RIPOR2: variants seen among roughly 807,000 people sequenced by gnomAD.
The protein encoded by RIPOR2 is rho family-interacting cell polarization regulator 2.
In RIPOR2, 39 loss-of-function variants were observed where a neutral mutation model predicts 114.5. The observed-to-expected ratio is 0.34, with a 90% CI of 0.26 to 0.44. RIPOR2 has a LOEUF of 0.44. Among genes scored for constraint, RIPOR2 ranks in the 20% least tolerant of loss-of-function variants. The pLI is 1.00. For missense variants in RIPOR2, 1,007 were observed against 1,255.1 expected (o/e 0.80, Z 2.99); for synonymous variants, 445 against 484.4 (o/e 0.92, Z 1.07).
intron 8 of RIPOR2, among the ~76,000 whole-genome samples, chr6:24,859,391 G>A (rs896688372): frequency 1.3e-5 from 2 of 152,098 alleles, no homozygotes; most frequent in Admixed American, 6.5e-5. Context: ...CACTGATTCA[G>A]GGCAGTTATT....
At chr6:24,953,338 C>A (rs199949255) in intron 1 of RIPOR2, among the ~76,000 whole-genome samples, 23 of 82,482 alleles carry the variant, frequency 2.8e-4, no homozygotes, top group African/African-American at 5.1e-4. Flanking sequence ...TGCCCCCCCC[C>A]AAAAAAAATT....
chr6:24,839,653 C>A (rs1761460300), intron 13 of RIPOR2: 4 of 1,537,552 alleles, frequency 2.6e-6, no homozygotes, highest in East Asian at 2.5e-5. Context: ...AAACAAAAAA[C>A]AAAACCATGT....
At chr6:25,039,076 T>C (rs303033) in intron 1 of RIPOR2, among the ~76,000 whole-genome samples, 7,073 of 152,328 alleles carry the variant, frequency 0.046, 440 homozygotes, top group African/African-American at 0.14. Flanking sequence ...TTTTTCTTAA[T>C]GACAAAATAA....
intron 1 of RIPOR2, among the ~76,000 whole-genome samples, chr6:24,887,354 C>A (rs1279490316): frequency 1.3e-5 from 2 of 152,156 alleles, no homozygotes; most frequent in East Asian, 1.9e-4. Flanking sequence ...AGGCTTCACC[C>A]AAGTCACCTG....
At chr6:25,005,694 GATATAT>G (rs34057286) in intron 1 of RIPOR2, among the ~76,000 whole-genome samples, 2,338 of 45,258 alleles carry the variant, frequency 0.052, 108 homozygotes, top group African/African-American at 0.087. Flanking sequence ...TCCCTATGGA[GATATAT>G]ATATATATAT....
At chr6:25,024,360 T>A in intron 1 of RIPOR2, 1 of 1,410,308 alleles carries the variant, frequency 7.1e-7, no homozygotes, top group East Asian at 2.3e-5. Context: ...GAAGTCTTCC[T>A]TCTGGCCAGT....
chr6:24,911,125 C>A, intron 1 of RIPOR2: 1 of 235,548 alleles, frequency 4.2e-6, no homozygotes, highest in Non-Finnish European at 6.3e-6. Flanking sequence ...GGGCGGGAGC[C>A]GTGAGGAGGG....
At chr6:24,979,378 T>C (rs1774203756) in intron 1 of RIPOR2, among the ~76,000 whole-genome samples, 1 of 150,608 alleles carries the variant, frequency 6.6e-6, no homozygotes. Flanking sequence ...TTAACTGTCC[T>C]GTGGGAGAGA....
At chr6:24,977,281 C>T (rs1409004376) in intron 1 of RIPOR2, among the ~76,000 whole-genome samples, 2 of 130,032 alleles carry the variant, frequency 1.5e-5, no homozygotes, top group African/African-American at 5.1e-5. Context: ...AAAAAAATAC[C>T]AAAAATCATG....
chr6:24,839,310 A>G, intron 13 of RIPOR2, 38 bp from the exon 14 acceptor site: 2 of 1,519,212 alleles, frequency 1.3e-6, no homozygotes, highest in Non-Finnish European at 1.8e-6. Flanking sequence ...ACATCAACAT[A>G]TCCGGAAAGA....
chr6:24,864,550 A>T (rs1764393140), intron 7 of RIPOR2, among the ~76,000 whole-genome samples: 1 of 152,164 alleles, frequency 6.6e-6, no homozygotes, highest in Non-Finnish European at 1.5e-5. Flanking sequence ...CAGGCTGATG[A>T]CTTCATTCAT....
chr6:24,833,016 C>A (rs1297467499), intron 15 of RIPOR2, among the ~76,000 whole-genome samples: 1 of 152,088 alleles, frequency 6.6e-6, no homozygotes, highest in East Asian at 1.9e-4. Flanking sequence ...GGTTAAGTAA[C>A]CTGCCCAAGG....
At chr6:25,038,647 T>C (rs1777351004) in intron 1 of RIPOR2, among the ~76,000 whole-genome samples, 1 of 152,154 alleles carries the variant, frequency 6.6e-6, no homozygotes, top group Non-Finnish European at 1.5e-5. Flanking sequence ...CCACAACCAT[T>C]GAGCTTGGAA....
chr6:24,825,925 C>CTT (rs11454820), intron 18 of RIPOR2, among the ~76,000 whole-genome samples: 17,044 of 126,244 alleles, frequency 0.14, 1,578 homozygotes, highest in Non-Finnish European at 0.16. Context: ...ATGTTTTTCT[C>CTT]TTTTTTTTTT....
intron 9 of RIPOR2, among the ~76,000 whole-genome samples, chr6:24,852,066 C>A (rs938394408): frequency 1.3e-5 from 2 of 151,988 alleles, no homozygotes; most frequent in Admixed American, 6.6e-5. Context: ...TCAAGACCAG[C>A]CTGGCCAACA....
chr6:24,941,255 G>A (rs144117294), intron 1 of RIPOR2, among the ~76,000 whole-genome samples: 2 of 152,192 alleles, frequency 1.3e-5, no homozygotes, highest in Non-Finnish European at 2.9e-5. Flanking sequence ...TACGAAAGAA[G>A]GAGAAGAACC....
intron 1 of RIPOR2, among the ~76,000 whole-genome samples, chr6:24,888,548 C>T (rs752120939): frequency 2.0e-5 from 3 of 152,142 alleles, no homozygotes; most frequent in Non-Finnish European, 2.9e-5. Context: ...GGAGAATGTA[C>T]CCAACAGTGT....
intron 15 of RIPOR2, among the ~76,000 whole-genome samples, 166 bp downstream of exon 15, chr6:24,835,537 G>C (rs1194841274): frequency 6.6e-6 from 1 of 152,182 alleles, no homozygotes; most frequent in Non-Finnish European, 1.5e-5. Flanking sequence ...CAAGGTTGTA[G>C]AGGGATGGGC....
At chr6:24,853,827 A>G (rs958722207) in intron 8 of RIPOR2, among the ~76,000 whole-genome samples, 1 of 152,182 alleles carries the variant, frequency 6.6e-6, no homozygotes. Flanking sequence ...CTATATGAAA[A>G]GACACAAGGC....
Sources: allele counts gnomAD v4.1 joint callset (sites outside exome capture counted in the v4.1 genomes callset), GRCh38; gene constraint gnomAD v4.1.1; transcripts MANE v1.5; gene names NCBI Gene and HGNC (gene_info 2026-07-23, HGNC 2026-07-21).